The following EYS variants were observed in gnomAD, a reference collection of about 807,000 sequenced individuals.
The protein encoded by EYS is EGF-like photoreceptor maintenance factor, also known as protein eyes shut homolog.
A neutral mutation model predicts 282.1 loss-of-function variants in EYS; 250 were observed. The ratio of observed to expected loss-of-function variants is 0.89; its 90% confidence interval spans 0.80 to 0.98. The LOEUF (loss-of-function observed/expected upper bound fraction) is 0.98, where lower values mean the gene tolerates loss of function less well. Among genes scored for constraint, EYS ranks in the 50% least tolerant of loss-of-function variants. The pLI, the probability that EYS is intolerant of heterozygous loss-of-function variation, is 0.00. For missense variants in EYS, 4,016 were observed against 3,709.0 expected (o/e 1.08, Z -2.15); for synonymous variants, 1,355 against 1,282.9 (o/e 1.06, Z -1.20).
intron 36 of EYS, among the ~76,000 whole-genome samples, chr6:63,854,635 A>T (rs1249756915): frequency 6.6e-6 from 1 of 152,182 alleles, no homozygotes; most frequent in African/African-American, 2.4e-5. Context: ...ATTACAATAA[A>T]AAAGCCACTT....
chr6:64,388,677 T>G lies in EYS; in HGVS notation c.6078+13A>C. 2.0e-6 allele frequency: 3 copies of G among 1,501,178 alleles called. No homozygotes were observed. The highest frequency in any genetic ancestry group is 2.7e-6 in the Non-Finnish European group (3 of 1,117,274). The allele number at this position is 1,501,178 out of a possible 1,614,324, so 93.0% of individuals were successfully genotyped here. A position where few individuals can be genotyped will look rare whatever the true frequency, so the allele number is the denominator to read the frequency against. On this transcript the variant is annotated intron_variant, in intron 29 of 42. Coordinates refer to ENST00000503581, the MANE Select transcript of EYS (RefSeq NM_001142800.2). ...TTTCAATAATTAATATTTTAAAACA[T>G]CTATAGAAATACCTGGATTTTCCCA... is the stretch of plus-strand genomic sequence containing the variant.
intron 28 of EYS, among the ~76,000 whole-genome samples, chr6:64,389,345 AG>A (rs1773022601): frequency 6.6e-6 from 1 of 152,232 alleles, no homozygotes; most frequent in African/African-American, 2.4e-5. Flanking sequence ...TAACTTAATT[AG>A]GGAGATCAGA....
At chr6:64,829,425 C>T in intron 19 of EYS, among the ~76,000 whole-genome samples, 1 of 151,980 alleles carries the variant, frequency 6.6e-6, no homozygotes, top group East Asian at 1.9e-4. Context: ...ACCATAGCCA[C>T]TACACACTTA....
At chr6:64,894,896 C>T (rs1417537409) in intron 18 of EYS, among the ~76,000 whole-genome samples, 1 of 152,004 alleles carries the variant, frequency 6.6e-6, no homozygotes, top group South Asian at 2.1e-4. Context: ...ACCCACAATT[C>T]TTGAATATAC....
chr6:64,808,008 C>CCCTCCCTCCTTCCTA (rs1554205365), intron 22 of EYS, among the ~76,000 whole-genome samples: 3 of 149,738 alleles, frequency 2.0e-5, no homozygotes, highest in East Asian at 2.0e-4. Flanking sequence ...CTTCCTTCCT[C>CCCTCCCTCCTTCCTA]CCTCCCTCCT....
chr6:64,901,294 GTATATATATATA>G (rs70999177), intron 18 of EYS, among the ~76,000 whole-genome samples: 22 of 127,750 alleles, frequency 1.7e-4, no homozygotes, highest in Non-Finnish European at 2.7e-4. Flanking sequence ...ATGTAGTTGA[GTATATATATATA>G]TATATATATA....
At chr6:64,588,222 G>A (rs576231340) in intron 26 of EYS, among the ~76,000 whole-genome samples, 3 of 152,010 alleles carry the variant, frequency 2.0e-5, no homozygotes, top group Non-Finnish European at 4.4e-5. Flanking sequence ...TAAGAGCCTA[G>A]GTGAGGAATT....
chr6:64,756,748 G>A (rs1042364493), intron 22 of EYS, among the ~76,000 whole-genome samples: 2 of 152,092 alleles, frequency 1.3e-5, no homozygotes, highest in African/African-American at 2.4e-5. Context: ...ATTCTTACAT[G>A]AACTTTTGTC....
At chr6:64,882,379 T>C (rs1766952463) in intron 19 of EYS, among the ~76,000 whole-genome samples, 1 of 151,782 alleles carries the variant, frequency 6.6e-6, no homozygotes, top group Non-Finnish European at 1.5e-5. Flanking sequence ...ATAACATATA[T>C]GTTTGCACAT....
At chr6:65,595,671 G>C (rs903784424) in intron 2 of EYS, among the ~76,000 whole-genome samples, 2 of 151,102 alleles carry the variant, frequency 1.3e-5, no homozygotes, top group Non-Finnish European at 2.9e-5. Flanking sequence ...AATCAGTTTA[G>C]TTAAATAACG....
At chr6:65,171,986 A>T (rs1203623829) in intron 12 of EYS, among the ~76,000 whole-genome samples, 2 of 151,498 alleles carry the variant, frequency 1.3e-5, no homozygotes, top group Non-Finnish European at 3.0e-5. Context: ...CAATAGTGCC[A>T]TGTTAGGAAA....
In EYS at chr6:64,551,301, C is replaced by A. The variant is rs924351768; in HGVS notation, c.5644+38922G>T. On this transcript the variant is annotated intron_variant, in intron 26 of 42. Coordinates refer to ENST00000503581, the MANE Select transcript of EYS (RefSeq NM_001142800.2). The stretch of plus-strand genomic sequence containing the variant: ...ATAAAAAATAAAGGTTTGGAGAGTA[C>A]CTTTTTAAATGTCAGAGGAATCCAA... Among the ~76,000 whole-genome samples the A allele has an allele frequency of 4.6e-5, 7 of 150,998 alleles. No individual in the cohort carries two copies. In the South Asian group the frequency reaches 1.5e-3, roughly 32 times the overall value.
intron 19 of EYS, among the ~76,000 whole-genome samples, chr6:64,828,527 G>A (rs903207948): frequency 6.6e-6 from 1 of 151,938 alleles, no homozygotes; most frequent in African/African-American, 2.4e-5. Flanking sequence ...CATAGACTGA[G>A]GCTCTGGACC....
At chr6:64,239,685 T>C (rs138717070) in intron 30 of EYS, among the ~76,000 whole-genome samples, 105 of 152,234 alleles carry the variant, frequency 6.9e-4, no homozygotes, top group African/African-American at 2.3e-3. Flanking sequence ...TTGTAAACAT[T>C]TTCTCCCATT....
At chr6:65,583,196 A>T (rs1380548364) in intron 2 of EYS, among the ~76,000 whole-genome samples, 1 of 152,104 alleles carries the variant, frequency 6.6e-6, no homozygotes, top group African/African-American at 2.4e-5. Context: ...CTGGAATAAA[A>T]TCTAGGTTAT....
intron 33 of EYS, 85 bp downstream of exon 33, chr6:64,066,253 G>T: frequency 8.2e-7 from 1 of 1,213,388 alleles, no homozygotes; most frequent in Non-Finnish European, 1.2e-6. Context: ...GCTCCAGACT[G>T]GGTGACAGAG....
At chr6:63,880,433 C>T (rs879904053) in intron 35 of EYS, among the ~76,000 whole-genome samples, 2 of 151,386 alleles carry the variant, frequency 1.3e-5, no homozygotes, top group Admixed American at 1.3e-4. Context: ...TAAGTTAAAA[C>T]TTAACAAACT....
intron 13 of EYS, among the ~76,000 whole-genome samples, chr6:65,048,776 G>A (rs576409099): frequency 6.6e-6 from 1 of 151,846 alleles, no homozygotes; most frequent in South Asian, 2.1e-4. Flanking sequence ...TCCGACCTAG[G>A]AAACTGAACA....
At chr6:65,475,752 GACAGACACACAC>G (rs967120608) in intron 5 of EYS, among the ~76,000 whole-genome samples, 1 of 144,790 alleles carries the variant, frequency 6.9e-6, no homozygotes, top group African/African-American at 2.6e-5. Context: ...CAGACAGACA[GACAGACACACAC>G]ACACACACAC....
Sources: allele counts gnomAD v4.1 joint callset (sites outside exome capture counted in the v4.1 genomes callset), GRCh38; gene constraint gnomAD v4.1.1; transcripts MANE v1.5; gene names NCBI Gene and HGNC (gene_info 2026-07-23, HGNC 2026-07-21).